The following RNF217 variants were observed in gnomAD, a reference collection of about 807,000 sequenced individuals.
RNF217 encodes the protein E3 ubiquitin-protein ligase RNF217.
A neutral mutation model predicts 57.8 loss-of-function variants in RNF217; 31 were observed. The observed-to-expected ratio is 0.54, with a 90% CI of 0.40 to 0.72. The LOEUF (loss-of-function observed/expected upper bound fraction) is 0.72. Among genes scored for constraint, RNF217 ranks in the 30% least tolerant of loss-of-function variants. RNF217 has a pLI of 0.00. For missense variants in RNF217, 696 were observed against 708.3 expected (o/e 0.98, Z 0.20); for synonymous variants, 313 against 294.0 (o/e 1.06, Z -0.66).
At chr6:125,048,207 A>C in intron 2 of RNF217, 1 of 1,354,818 alleles carries the variant, frequency 7.4e-7, no homozygotes, top group Non-Finnish European at 9.8e-7. Flanking sequence ...ATTCATGGCC[A>C]CAGTATGGCA....
At chr6:125,010,245 TA>T (rs1323709772) in intron 1 of RNF217, among the ~76,000 whole-genome samples, 4 of 152,234 alleles carry the variant, frequency 2.6e-5, no homozygotes, top group African/African-American at 9.6e-5. Context: ...GACTGGTAAT[TA>T]TTTCCTCTTA....
At chr6:125,014,436 G>A (rs572312506) in intron 1 of RNF217, among the ~76,000 whole-genome samples, 72 of 152,280 alleles carry the variant, frequency 4.7e-4, no homozygotes, top group African/African-American at 1.7e-3. Flanking sequence ...TTGATATCAA[G>A]CTCTGCTTTC....
chr6:124,976,620 C>T (rs1489502625), intron 1 of RNF217, among the ~76,000 whole-genome samples: 3 of 151,450 alleles, frequency 2.0e-5, no homozygotes, highest in Non-Finnish European at 4.4e-5. Flanking sequence ...TTGCCTCAGC[C>T]TCCCGAGTAG....
At chr6:125,041,161 T>A (rs1786866413) in intron 1 of RNF217, among the ~76,000 whole-genome samples, 1 of 152,108 alleles carries the variant, frequency 6.6e-6, no homozygotes. Flanking sequence ...TACATATATA[T>A]TAAAACATCA....
chr6:124,976,168 G>A (rs1160192207), intron 1 of RNF217, among the ~76,000 whole-genome samples: 1 of 152,008 alleles, frequency 6.6e-6, no homozygotes, highest in African/African-American at 2.4e-5. Context: ...GGGAATATTT[G>A]TTGATCTTAA....
rs768543528 is a variant in RNF217, at chr6:125,076,637, TC to T, written c.1282-17del. Reference sequence around the variant, plus strand: ...ACTCAGCTAACTCTTTCCTTCTCCTTCCCTCTCTTGCTGATACAGATCCACA... The same window carrying T: ...ACTCAGCTAACTCTTTCCTTCTCCTTCCTCTCTTGCTGATACAGATCCACA... On this transcript the variant is annotated intron_variant, in intron 3 of 5. Transcript: ENST00000521654. 3 of 1,571,606 alleles carry T rather than the reference TC, an allele frequency of 1.9e-6. No homozygotes were observed. Among genetic ancestry groups the T allele is most frequent in the South Asian group, 1.1e-5 (1 of 90,194 alleles).
chr6:125,017,236 T>C (rs982860599), intron 1 of RNF217, among the ~76,000 whole-genome samples: 1 of 152,230 alleles, frequency 6.6e-6, no homozygotes, highest in Non-Finnish European at 1.5e-5. Context: ...GAAAACTTCC[T>C]CTTGCCCAAT....
intron 1 of RNF217, among the ~76,000 whole-genome samples, chr6:124,974,134 G>A (rs1783868223): frequency 1.3e-5 from 2 of 152,176 alleles, no homozygotes; most frequent in African/African-American, 2.4e-5. Context: ...AAGGCCCTCA[G>A]CATAACTTTG....
At chr6:125,020,649 A>G (rs2114410316) in intron 1 of RNF217, among the ~76,000 whole-genome samples, 1 of 152,200 alleles carries the variant, frequency 6.6e-6, no homozygotes, top group African/African-American at 2.4e-5. Context: ...GTAGGATTCT[A>G]GATAAAGGCG....
chr6:125,000,339 A>C (rs941232255), intron 1 of RNF217, among the ~76,000 whole-genome samples: 1 of 152,064 alleles, frequency 6.6e-6, no homozygotes, highest in Non-Finnish European at 1.5e-5. Flanking sequence ...CTCTTTTACT[A>C]TAGTGATAGT....
At position 125,082,593 on chromosome 6, in the gene RNF217, C is replaced by T. The variant is rs148150045; in HGVS notation, c.1556-271C>T. ...GTATCATAGTGTGCAAATGATATGA[C>T]TGTGGACAATAAAGAAGATTTAAAC... On this transcript the variant is annotated intron_variant, in intron 5 of 5. Transcript: ENST00000521654. 1.3e-4 allele frequency: 201 copies of T among 1,591,228 alleles called. No homozygotes were observed. The African/African-American group carries it at 2.4e-3, about 19-fold the overall frequency.
intron 1 of RNF217, among the ~76,000 whole-genome samples, chr6:124,969,505 A>G (rs1158421789): frequency 1.3e-5 from 2 of 152,186 alleles, no homozygotes; most frequent in Non-Finnish European, 2.9e-5. Context: ...CTTTATCACT[A>G]CTATTTGCCC....
chr6:125,067,303 A>C (rs767631015), intron 3 of RNF217, among the ~76,000 whole-genome samples: 5 of 152,174 alleles, frequency 3.3e-5, no homozygotes, highest in Non-Finnish European at 7.3e-5. Context: ...TATCCTCCAG[A>C]CTATAGGGGC....
At chr6:125,013,345 TTGTGTATGTGTGTG>T (rs1281771924) in intron 1 of RNF217, among the ~76,000 whole-genome samples, 3 of 112,208 alleles carry the variant, frequency 2.7e-5, no homozygotes, top group African/African-American at 9.5e-5. Context: ...CTTGCATGTT[TTGTGTATGTGTGTG>T]TGTGTGTGTG....
At chr6:125,013,345 TTGTGTATGTG>T (rs1203340344) in intron 1 of RNF217, among the ~76,000 whole-genome samples, 106 of 112,292 alleles carry the variant, frequency 9.4e-4, no homozygotes, top group African/African-American at 3.0e-3. Flanking sequence ...CTTGCATGTT[TTGTGTATGTG>T]TGTGTGTGTG....
chr6:125,067,922 A>T (rs1787996225), intron 3 of RNF217, among the ~76,000 whole-genome samples: 1 of 150,724 alleles, frequency 6.6e-6, no homozygotes, highest in Non-Finnish European at 1.5e-5. Flanking sequence ...AGAAACTGGA[A>T]AAAAGATGTC....
chr6:124,966,507 A>G (rs1430759327), intron 1 of RNF217, among the ~76,000 whole-genome samples: 2 of 152,082 alleles, frequency 1.3e-5, no homozygotes, highest in East Asian at 3.9e-4. Context: ...GGTTCTTAAG[A>G]CCTTTTGAAA....
At chr6:125,009,350 A>G in intron 1 of RNF217, 1 of 1,030,082 alleles carries the variant, frequency 9.7e-7, no homozygotes, top group African/African-American at 1.6e-5. Flanking sequence ...TCTTCAAAAC[A>G]CCTCCTGTGA....
chr6:125,026,348 G>T (rs1243771737), intron 1 of RNF217, among the ~76,000 whole-genome samples: 1 of 152,102 alleles, frequency 6.6e-6, no homozygotes, highest in East Asian at 1.9e-4. Flanking sequence ...TGGGATCCTG[G>T]TAGGGTCTTT....
Sources: allele counts gnomAD v4.1 joint callset (sites outside exome capture counted in the v4.1 genomes callset), GRCh38; gene constraint gnomAD v4.1.1; transcripts MANE v1.5; gene names NCBI Gene and HGNC (gene_info 2026-07-23, HGNC 2026-07-21).